The following EPB41L2 variants were observed in gnomAD, a reference collection of about 807,000 sequenced individuals.
EPB41L2 encodes erythrocyte membrane protein band 4.1 like 2.
In EPB41L2, 43 loss-of-function variants were observed where a neutral mutation model predicts 113.0. That is an observed-to-expected ratio of 0.38 (90% CI 0.30 to 0.49). The LOEUF is 0.49. Among genes scored for constraint, EPB41L2 ranks in the 20% least tolerant of loss-of-function variants. EPB41L2 has a pLI of 0.95. For synonymous variants in EPB41L2, 442 were observed against 436.7 expected, an observed-to-expected ratio of 1.01 and a Z score of -0.15; for missense variants, 1,147 against 1,223.4, an observed-to-expected ratio of 0.94 and a Z score of 0.93.
At chr6:130,912,131 G>C (rs2128518836) in intron 4 of EPB41L2, among the ~76,000 whole-genome samples, 1 of 152,240 alleles carries the variant, frequency 6.6e-6, no homozygotes, top group South Asian at 2.1e-4. Context: ...GATGATCTCA[G>C]GTGGAGCAGT....
intron 1 of EPB41L2, among the ~76,000 whole-genome samples, chr6:131,049,641 C>T (rs1584779251): frequency 6.6e-6 from 1 of 152,190 alleles, no homozygotes; most frequent in Non-Finnish European, 1.5e-5. Context: ...CATTGTCTAG[C>T]GTATAACCAC....
At chr6:130,848,349 T>C (rs935293735) in intron 19 of EPB41L2, among the ~76,000 whole-genome samples, 1 of 152,018 alleles carries the variant, frequency 6.6e-6, no homozygotes, top group Non-Finnish European at 1.5e-5. Flanking sequence ...CTGCAAGCAA[T>C]GAATGTGAGC....
chr6:130,857,783 A>G (rs1235240285), intron 19 of EPB41L2, among the ~76,000 whole-genome samples: 1 of 152,080 alleles, frequency 6.6e-6, no homozygotes, highest in Non-Finnish European at 1.5e-5. Context: ...TCTCTCCTAC[A>G]ATAAAAATCT....
chr6:130,934,915 C>A (rs944010290), intron 3 of EPB41L2, among the ~76,000 whole-genome samples: 7 of 147,778 alleles, frequency 4.7e-5, no homozygotes, highest in Non-Finnish European at 1.0e-4. Flanking sequence ...TTTACGTAAA[C>A]ATGTTGGATT....
At chr6:130,962,166 T>C (rs1316415220) in intron 1 of EPB41L2, among the ~76,000 whole-genome samples, 1 of 151,846 alleles carries the variant, frequency 6.6e-6, no homozygotes, top group East Asian at 1.9e-4. Context: ...AAAAAACAAA[T>C]GTAGAAATGA....
At chr6:130,920,767 C>T (rs968448860) in intron 4 of EPB41L2, among the ~76,000 whole-genome samples, 2 of 152,176 alleles carry the variant, frequency 1.3e-5, no homozygotes, top group African/African-American at 4.8e-5. Context: ...GCCTGGGCCT[C>T]TTAAAGTGCT....
In EPB41L2 at chr6:130,859,504, T is replaced by C. The variant is rs1415061658; in HGVS notation, c.2911-1261A>G. On this transcript the variant is annotated intron_variant, in intron 18 of 19. Coordinates refer to ENST00000337057, the MANE Select transcript of EPB41L2 (RefSeq NM_001431.4). ...CCAGCCTGGGCAACAGAGTGAGACT[T>C]TGTCTCAAAAAAAAAAAAAAAAGTC... 3.1e-4 allele frequency among the ~76,000 whole-genome samples: 44 copies of C among 139,730 alleles called. No individual in the cohort carries two copies. The South Asian group carries it at 3.6e-3, about 11-fold the overall frequency. 91.7% of individuals were successfully genotyped at this position (139,730 alleles called of 152,430 possible).
intron 1 of EPB41L2, among the ~76,000 whole-genome samples, chr6:131,009,732 T>C (rs1786469105): frequency 6.7e-6 from 1 of 150,046 alleles, no homozygotes; most frequent in South Asian, 2.1e-4. Context: ...CCCAGTAATA[T>C]TAATAAGTTG....
chr6:130,864,463 G>C (rs1783084626), intron 17 of EPB41L2, among the ~76,000 whole-genome samples: 1 of 152,180 alleles, frequency 6.6e-6, no homozygotes, highest in Non-Finnish European at 1.5e-5. Context: ...GCTGGAGGAG[G>C]GAGCTCCTGG....
intron 1 of EPB41L2, among the ~76,000 whole-genome samples, chr6:131,004,263 G>C (rs1372434923): frequency 6.6e-6 from 1 of 152,142 alleles, no homozygotes; most frequent in Non-Finnish European, 1.5e-5. Flanking sequence ...TGGGCACAGT[G>C]GGGGAGTAAG....
At chr6:131,038,213 C>T (rs1192125350) in intron 1 of EPB41L2, among the ~76,000 whole-genome samples, 1 of 152,010 alleles carries the variant, frequency 6.6e-6, no homozygotes, top group Non-Finnish European at 1.5e-5. Flanking sequence ...CTATTCAATG[C>T]CTTAAATCCT....
Position 130,863,678 on chromosome 6 carries a change from C to A in EPB41L2, c.2870G>T (p.Arg957Leu). The change falls in exon 18 of 20, where the codon CGC becomes CTC. Residue 957 changes from arginine (R) to leucine (L), a missense_variant. By Grantham distance (102) the Arg-to-Leu change is moderately radical. Coordinates refer to ENST00000337057, the MANE Select transcript of EPB41L2 (RefSeq NM_001431.4). ...ATCTCCATCTCCTGTGATCACAATG[C>A]GTTTCTCAATTCTTGTTTCAGAAAT... ...GGISETRIEK[R>L]IVITGDGDID... The A allele has an allele frequency of 6.2e-7, 1 of 1,613,656 alleles. No homozygotes were observed. The highest frequency in any genetic ancestry group is 1.1e-5 in the South Asian group (1 of 91,064).
chr6:131,039,346 G>A (rs942478827), intron 1 of EPB41L2, among the ~76,000 whole-genome samples: 3 of 152,078 alleles, frequency 2.0e-5, no homozygotes, highest in African/African-American at 7.2e-5. Flanking sequence ...CCATGGCCCA[G>A]GAAACTATCA....
At chr6:131,053,906 G>C (rs887344374) in intron 1 of EPB41L2, among the ~76,000 whole-genome samples, 1 of 152,220 alleles carries the variant, frequency 6.6e-6, no homozygotes, top group African/African-American at 2.4e-5. Flanking sequence ...TGGTGGTCCA[G>C]CTGATCTTAC....
At chr6:130,999,011 G>C (rs1264208316) in intron 1 of EPB41L2, among the ~76,000 whole-genome samples, 1 of 152,100 alleles carries the variant, frequency 6.6e-6, no homozygotes, top group African/African-American at 2.4e-5. Flanking sequence ...CTGGAGGTAA[G>C]AGCCACTGTC....
intron 1 of EPB41L2, among the ~76,000 whole-genome samples, chr6:131,009,502 C>T (rs1038881803): frequency 1.3e-5 from 2 of 152,040 alleles, no homozygotes; most frequent in African/African-American, 4.8e-5. Flanking sequence ...AAACTTATTT[C>T]GTACCTGTAC....
rs1799697873 is a variant in EPB41L2, at chr6:130,912,399, G to T, written c.811-3536C>A. Among the ~76,000 whole-genome samples, 4 of 152,340 alleles carry T rather than the reference G, an allele frequency of 2.6e-5. No homozygotes were observed. The South Asian group carries it at 8.3e-4, about 32-fold the overall frequency. The stretch of plus-strand genomic sequence containing the variant: ...CTATTAAAAAGTAAAACAGTAAGAT[G>T]CTGTGAAAGCAGAGCCGCATGGCCC... On this transcript the variant is annotated intron_variant, in intron 4 of 19. Coordinates refer to ENST00000337057, the MANE Select transcript of EPB41L2 (RefSeq NM_001431.4).
rs150621192 is a variant in EPB41L2, at chr6:130,869,999, C to T, written c.2171G>A (p.Arg724His). The T allele has an allele frequency of 1.4e-4, 225 of 1,613,840 alleles. No homozygotes were observed. In the African/African-American group the frequency reaches 2.0e-3, roughly 14 times the overall value. Residue 724 changes from arginine (R) to histidine (H), a missense_variant, in exon 15 of 20, where the codon CGT (arginine) becomes CAT (histidine). Arg to His is a conservative substitution (Grantham distance 29). Coordinates refer to ENST00000337057, the MANE Select transcript of EPB41L2 (RefSeq NM_001431.4). ...TTTTTGTGTCACAGGCTCCACCTTACGAATCTCCCCAGGACCACTCCCAGG... is the reference window on the plus strand; with the variant it reads ...TTTTTGTGTCACAGGCTCCACCTTATGAATCTCCCCAGGACCACTCCCAGG... ...ISPGSGPGEI[R>H]KVEPVTQKDS...
rs1009237031 is a variant in EPB41L2, at chr6:130,899,149, G to C, written c.1236+342C>G. On this transcript the variant is annotated intron_variant, in intron 8 of 19. Coordinates refer to ENST00000337057, the MANE Select transcript of EPB41L2 (RefSeq NM_001431.4). ...TCTCCCAAGACAGAGGTGGGAGAGG[G>C]AACTGGGACAGACACAGCACTTGGC... 3.3e-5 allele frequency among the ~76,000 whole-genome samples: 5 copies of C among 152,020 alleles called. No homozygotes were observed. In the East Asian group the frequency reaches 9.7e-4, roughly 29 times the overall value.
Sources: allele counts gnomAD v4.1 joint callset (sites outside exome capture counted in the v4.1 genomes callset), GRCh38; gene constraint gnomAD v4.1.1; transcripts MANE v1.5; gene names NCBI Gene and HGNC (gene_info 2026-07-23, HGNC 2026-07-21).